The following SPTA1 variants were observed in gnomAD, a reference collection of about 807,000 sequenced individuals.
The protein encoded by SPTA1 is spectrin alpha chain, erythrocytic 1.
A neutral mutation model predicts 324.7 loss-of-function variants in SPTA1; 177 were observed. That is an observed-to-expected ratio of 0.55 (90% confidence interval 0.48 to 0.62). SPTA1 has a LOEUF of 0.62. Ranked by LOEUF, SPTA1 falls within the 20% of genes least tolerant of loss-of-function variation. The pLI is 0.00. For missense variants in SPTA1, 3,162 were observed against 2,883.6 expected (o/e 1.10, Z -2.21); for synonymous variants, 1,195 against 1,041.3 (o/e 1.15, Z -2.84).
At chr1:158,640,106 A>G (rs1651431702) in intron 33 of SPTA1, 99 bp from the exon 34 acceptor site, 1 of 1,535,326 alleles carries the variant, frequency 6.5e-7, no homozygotes, top group Admixed American at 1.7e-5. Flanking sequence ...GGCAGGAACT[A>G]GCCAAAATTT....
intron 12 of SPTA1, among the ~76,000 whole-genome samples, chr1:158,670,367 C>A (rs77508473): frequency 0.016 from 2,464 of 152,294 alleles, 61 homozygotes; most frequent in African/African-American, 0.056. Flanking sequence ...TAAATGATAA[C>A]ACTTTATAAA....
chr1:158,633,995 C>T (rs1650877506), intron 39 of SPTA1, among the ~76,000 whole-genome samples: 1 of 152,122 alleles, frequency 6.6e-6, no homozygotes, highest in Non-Finnish European at 1.5e-5. Context: ...TAATCACTCT[C>T]AAAAGCCGTC....
At chr1:158,654,894 G>C in intron 20 of SPTA1, 146 bp from the exon 21 acceptor site, 2 of 1,094,938 alleles carry the variant, frequency 1.8e-6, no homozygotes, top group Non-Finnish European at 2.6e-6. Context: ...ATTAAAGTAT[G>C]TGGTCTTCAG....
At position 158,634,661 on chromosome 1, in the gene SPTA1, T is replaced by C. The variant is rs747045149; in HGVS notation, c.5447A>G (p.Glu1816Gly). 1 of 1,614,096 alleles carries C rather than the reference T, an allele frequency of 6.2e-7. No homozygotes were observed. Among genetic ancestry groups the C allele is most frequent in the Non-Finnish European group, 8.5e-7 (1 of 1,180,016 alleles). ...GAATTGCAAGTATTCTAGGGATTCTTCCAACTTAAGTCCTCTATAACAAGG... is the reference window on the plus strand; with the variant it reads ...GAATTGCAAGTATTCTAGGGATTCTCCCAACTTAAGTCCTCTATAACAAGG... Reference protein sequence around the residue: ...ELAKARGLKLEESLEYLQFMQ... With the variant: ...ELAKARGLKLGESLEYLQFMQ... The change falls in exon 39 of 52, where the codon GAA becomes GGA. Residue 1816 changes from glutamate to glycine, a missense_variant. Transcript: ENST00000643759.
intron 39 of SPTA1, among the ~76,000 whole-genome samples, chr1:158,630,796 A>C (rs932572042): frequency 3.3e-5 from 5 of 151,992 alleles, no homozygotes; most frequent in Non-Finnish European, 7.4e-5. Flanking sequence ...CAATACTAAA[A>C]AGTAAATAAA....
chr1:158,627,697 C>T lies in SPTA1; in HGVS notation c.5592G>A (p.Leu1864=), dbSNP rs1650368785. 1.2e-6 allele frequency: 2 copies of T among 1,613,010 alleles called. No individual in the cohort carries two copies. Among genetic ancestry groups the T allele is most frequent in the African/African-American group, 1.3e-5 (1 of 75,034 alleles). The change falls in exon 40 of 52, where the codon TTG becomes TTA. Residue 1864 remains leucine, a synonymous_variant. Coordinates refer to ENST00000643759, the MANE Select transcript of SPTA1 (RefSeq NM_003126.4). ...TQSLLMKHEA[L]ENDFAVHETR... The stretch of plus-strand genomic sequence containing the variant: ...TCTCATGGACAGCAAAGTCATTTTC[C>T]AAAGCTTCATGCTTCATTAGCAAGC...
chr1:158,680,177 A>G (rs1654696396), intron 5 of SPTA1, among the ~76,000 whole-genome samples: 1 of 152,158 alleles, frequency 6.6e-6, no homozygotes, highest in African/African-American at 2.4e-5. Flanking sequence ...ATGCATATAT[A>G]TGTATAAATA....
rs1448294061 is a variant in SPTA1, at chr1:158,666,355, C to T, written c.2181G>A (p.Arg727=). Residue 727 remains arginine (R), a synonymous_variant, in exon 16 of 52, where the codon AGG becomes AGA. Coordinates refer to ENST00000643759, the MANE Select transcript of SPTA1 (RefSeq NM_003126.4). ...KGLAEVQNRL[R]KHGLLESAVA... ...CAGCCGACTCCAGGAGGCCGTGTTTCCTGAGTCGATTCTGTACCTCGGCCA... is the reference window on the plus strand; with the variant it reads ...CAGCCGACTCCAGGAGGCCGTGTTTTCTGAGTCGATTCTGTACCTCGGCCA... The T allele has an allele frequency of 6.2e-7, 1 of 1,613,934 alleles. No homozygotes were observed. Among genetic ancestry groups the T allele is most frequent in the Non-Finnish European group, 8.5e-7 (1 of 1,179,976 alleles).
intron 47 of SPTA1, 70 bp downstream of exon 47, chr1:158,617,467 C>A: frequency 7.5e-7 from 1 of 1,337,094 alleles, no homozygotes; most frequent in Non-Finnish European, 1.1e-6. Context: ...CTGGGCTTCC[C>A]TTAGGTGATT....
At chr1:158,684,737 A>G (rs1426875647) in intron 2 of SPTA1, among the ~76,000 whole-genome samples, 1 of 152,160 alleles carries the variant, frequency 6.6e-6, no homozygotes, top group Non-Finnish European at 1.5e-5. Context: ...ATGCTTCACC[A>G]TGAAAATATG....
At chr1:158,618,520 G>A (rs1318627327) in intron 45 of SPTA1, among the ~76,000 whole-genome samples, 4 of 152,054 alleles carry the variant, frequency 2.6e-5, no homozygotes, top group African/African-American at 9.7e-5. Context: ...CACACCTACT[G>A]GATACAACTT....
chr1:158,681,922 C>T (rs1056393234), intron 3 of SPTA1, among the ~76,000 whole-genome samples: 2 of 152,080 alleles, frequency 1.3e-5, no homozygotes, highest in Non-Finnish European at 2.9e-5. Context: ...TAATTACAAA[C>T]AATAAGATGG....
In SPTA1 at chr1:158,648,543, C is replaced by T. The variant is rs1652170210; in HGVS notation, c.3680G>A (p.Gly1227Asp). The T allele has an allele frequency of 6.2e-7, 1 of 1,614,008 alleles. No homozygotes were observed. Reference protein sequence around the residue: ...SVQALQRRHEGFERDLVPLGD... With the variant: ...SVQALQRRHEDFERDLVPLGD... ...CAGGGGTACGAGGTCCCTTTCAAAG[C>T]CCTCATGCCGTCGCTGAAGAGCCTG... Residue 1227 changes from glycine to aspartate, a missense_variant, in exon 26 of 52, where the codon GGC becomes GAC. Transcript: ENST00000643759.
chr1:158,674,971 G>A (rs1310008158), intron 8 of SPTA1, among the ~76,000 whole-genome samples: 1 of 152,038 alleles, frequency 6.6e-6, no homozygotes, highest in Non-Finnish European at 1.5e-5. Flanking sequence ...TACTTAAAAT[G>A]GAGTAAGGTG....
intron 39 of SPTA1, among the ~76,000 whole-genome samples, chr1:158,633,686 A>G (rs987369962): frequency 2.6e-5 from 4 of 151,584 alleles, no homozygotes; most frequent in African/African-American, 4.8e-5. Flanking sequence ...AAAGAAAAGA[A>G]AAAAGAAAAA....
chr1:158,647,477 C>G (rs1264135591), intron 27 of SPTA1, 62 bp downstream of exon 27: 6 of 1,593,836 alleles, frequency 3.8e-6, no homozygotes, highest in African/African-American at 2.7e-5. Flanking sequence ...GCATCTGTAC[C>G]CAGACTGCTC....
At chr1:158,626,309 A>G (rs1370319114) in intron 41 of SPTA1, 87 bp from the exon 42 acceptor site, 10 of 1,223,470 alleles carry the variant, frequency 8.2e-6, no homozygotes, top group Non-Finnish European at 1.2e-6. Context: ...ACAACACACA[A>G]CAAGAAAGCT....
Position 158,644,371 on chromosome 1 carries a change from A to C in SPTA1, c.4220T>G (p.Val1407Gly). ...CTCACGTGCCACCATCCAGCTCTCA[A>C]CTTGATCACAGTTCCCCTGGAACAT... ...LQMFQGNCDQVESWMVARENS... is the reference protein window; with the variant it reads ...LQMFQGNCDQGESWMVARENS... Residue 1407 changes from valine to glycine, a missense_variant, in exon 30 of 52, where the codon GTT becomes GGT. Coordinates refer to ENST00000643759, the MANE Select transcript of SPTA1 (RefSeq NM_003126.4). 1 of 1,613,826 alleles carries C rather than the reference A, an allele frequency of 6.2e-7. No individual in the cohort carries two copies. The highest frequency in any genetic ancestry group is 8.5e-7 in the Non-Finnish European group (1 of 1,179,848).
At chr1:158,636,525 C>A in intron 37 of SPTA1, 116 bp downstream of exon 37, 1 of 1,190,836 alleles carries the variant, frequency 8.4e-7, no homozygotes, top group Non-Finnish European at 1.2e-6. Context: ...TTGACTAACT[C>A]TCTCTGACCT....
Sources: allele counts gnomAD v4.1 joint callset (sites outside exome capture counted in the v4.1 genomes callset), GRCh38; gene constraint gnomAD v4.1.1; transcripts MANE v1.5; gene names NCBI Gene and HGNC (gene_info 2026-07-23, HGNC 2026-07-21).